The following RCAN2 variants were observed in gnomAD, a reference collection of about 807,000 sequenced individuals.
The protein encoded by RCAN2 is calcipressin-2.
RCAN2 carries 9 observed loss-of-function variants against 23.6 expected under a neutral mutation model. The observed-to-expected ratio is 0.38, with a 90% CI of 0.23 to 0.67. The LOEUF is 0.67. RCAN2 is among the 30% of genes least tolerant of loss of function. The probability of loss-of-function intolerance (pLI) is 0.51; values close to 1 mark genes in which losing one functional copy is unlikely to be tolerated. For synonymous variants in RCAN2, 109 were observed against 115.7 expected, an observed-to-expected ratio of 0.94 and a Z score of 0.37; for missense variants, 273 against 302.3, an observed-to-expected ratio of 0.90 and a Z score of 0.72.
chr6:46,399,276 T>G (rs143941944), intron 2 of RCAN2, among the ~76,000 whole-genome samples: 1,682 of 152,116 alleles, frequency 0.011, 35 homozygotes, highest in South Asian at 0.043. Context: ...CAACTATTTC[T>G]ATTTCCCAGG....
intron 2 of RCAN2, among the ~76,000 whole-genome samples, chr6:46,448,864 C>T (rs1418679104): frequency 6.6e-6 from 1 of 151,810 alleles, no homozygotes; most frequent in Admixed American, 6.6e-5. Flanking sequence ...AAACTCACAG[C>T]TGACAGCATA....
intron 2 of RCAN2, among the ~76,000 whole-genome samples, chr6:46,258,287 T>G (rs1561831708): frequency 6.6e-6 from 1 of 152,224 alleles, no homozygotes; most frequent in Non-Finnish European, 1.5e-5. Context: ...ACTCCTTATG[T>G]GACGGGCATA....
intron 2 of RCAN2, among the ~76,000 whole-genome samples, chr6:46,320,033 T>C (rs577155609): frequency 2.0e-5 from 3 of 152,202 alleles, no homozygotes; most frequent in Non-Finnish European, 4.4e-5. Context: ...TGAACGTTAA[T>C]TACCATGAAT....
chr6:46,468,905 C>T (rs1026850487), intron 1 of RCAN2: 1 of 926,690 alleles, frequency 1.1e-6, no homozygotes, highest in Non-Finnish European at 1.3e-6. Flanking sequence ...ATTCTCTCCT[C>T]CTTAACTTTA....
At chr6:46,265,973 C>T (rs952787481) in intron 2 of RCAN2, among the ~76,000 whole-genome samples, 2 of 152,138 alleles carry the variant, frequency 1.3e-5, no homozygotes, top group Non-Finnish European at 2.9e-5. Context: ...TAAATGCAGA[C>T]ACTGTTCTAA....
At position 46,452,645 on chromosome 6, in the gene RCAN2, A is replaced by G. The variant is rs552869496; in HGVS notation, c.225+4107T>C. Among the ~76,000 whole-genome samples the G allele has an allele frequency of 2.2e-4, 34 of 152,318 alleles. No homozygotes were observed. The South Asian group carries it at 5.8e-3, about 26-fold the overall frequency. ...AGGGTCCAGGGAATACAATCCTGAC[A>G]CGCACCCAGGAAGTAGAGTTACAGA... is the stretch of plus-strand genomic sequence containing the variant. On this transcript the variant is annotated intron_variant, in intron 2 of 4. Coordinates refer to ENST00000371374, the MANE Select transcript of RCAN2 (RefSeq NM_001251974.2).
chr6:46,343,462 G>A (rs535841662), intron 2 of RCAN2, among the ~76,000 whole-genome samples: 6 of 148,066 alleles, frequency 4.1e-5, no homozygotes, highest in Admixed American at 6.9e-5. Context: ...TGCAAGCTCC[G>A]CCTCCCGGGT....
chr6:46,487,442 A>ACT (rs1769024911), intron 1 of RCAN2, among the ~76,000 whole-genome samples: 1 of 152,040 alleles, frequency 6.6e-6, no homozygotes, highest in South Asian at 2.1e-4. Flanking sequence ...CTTCAGAAAC[A>ACT]CTCTACCTTT....
intron 2 of RCAN2, among the ~76,000 whole-genome samples, chr6:46,355,457 C>T (rs1438248690): frequency 1.3e-5 from 2 of 152,198 alleles, no homozygotes; most frequent in African/African-American, 4.8e-5. Context: ...CTTCCAGTGC[C>T]AGCCCTTGAC....
intron 2 of RCAN2, among the ~76,000 whole-genome samples, chr6:46,294,024 G>A (rs759981472): frequency 1.3e-5 from 2 of 152,100 alleles, no homozygotes; most frequent in Non-Finnish European, 1.5e-5. Flanking sequence ...GGTAGTCAAG[G>A]GCGTGATGAT....
chr6:46,373,418 C>T (rs1005795692), intron 2 of RCAN2, among the ~76,000 whole-genome samples: 1 of 152,048 alleles, frequency 6.6e-6, no homozygotes, highest in South Asian at 2.1e-4. Context: ...TCATGCACTA[C>T]CACGCCTAGC....
chr6:46,323,265 G>A (rs1406322641), intron 2 of RCAN2, among the ~76,000 whole-genome samples: 8 of 151,916 alleles, frequency 5.3e-5, no homozygotes. Context: ...TAGGAGTCAG[G>A]CACTGTGTTA....
chr6:46,249,157 G>T (rs756636034), intron 2 of RCAN2, among the ~76,000 whole-genome samples: 1 of 151,556 alleles, frequency 6.6e-6, no homozygotes, highest in South Asian at 2.1e-4. Context: ...GGGAAATTAC[G>T]CAAAATGTTG....
intron 2 of RCAN2, among the ~76,000 whole-genome samples, chr6:46,427,054 CT>C (rs1318964999): frequency 6.6e-6 from 1 of 152,068 alleles, no homozygotes; most frequent in African/African-American, 2.4e-5. Flanking sequence ...AAGAAAGAGT[CT>C]TATTAGGAGG....
intron 2 of RCAN2, among the ~76,000 whole-genome samples, chr6:46,269,138 A>G (rs908454284): frequency 2.0e-5 from 3 of 152,050 alleles, no homozygotes; most frequent in African/African-American, 7.2e-5. Context: ...CTTCCTCTCC[A>G]TTGCTTCTAC....
At chr6:46,250,717 G>C (rs1442073714) in intron 2 of RCAN2, among the ~76,000 whole-genome samples, 4 of 152,178 alleles carry the variant, frequency 2.6e-5, no homozygotes. Context: ...GTTGATAGGA[G>C]GAGATGCTTA....
intron 4 of RCAN2, among the ~76,000 whole-genome samples, chr6:46,241,197 C>T (rs1194665673): frequency 6.6e-6 from 1 of 152,180 alleles, no homozygotes; most frequent in Non-Finnish European, 1.5e-5. Flanking sequence ...GCTATTTTGC[C>T]AGGCTGGGTT....
chr6:46,433,888 C>G (rs1767288376), intron 2 of RCAN2, among the ~76,000 whole-genome samples: 1 of 152,172 alleles, frequency 6.6e-6, no homozygotes, highest in Non-Finnish European at 1.5e-5. Flanking sequence ...GTTGTTAGTA[C>G]TCCCATGGCC....
At chr6:46,456,619 G>C (rs1371494576) in intron 2 of RCAN2, 133 bp downstream of exon 2, 1 of 657,224 alleles carries the variant, frequency 1.5e-6, no homozygotes. Context: ...TCTTATCCTG[G>C]TACACATGCC....
Sources: gnomAD v4.1 joint callset for allele counts (sites outside exome capture counted in the v4.1 genomes callset) on GRCh38, gnomAD v4.1.1 for gene constraint, MANE v1.5 for transcripts, NCBI Gene and HGNC (gene_info 2026-07-23, HGNC 2026-07-21) for gene names.